Variants in CDH10 observed in about 807,000 individuals in gnomAD.
The protein encoded by CDH10 is cadherin-10.
CDH10 carries 30 observed loss-of-function variants against 73.1 expected under a neutral mutation model. The ratio of observed to expected loss-of-function variants is 0.41; its 90% CI spans 0.31 to 0.56. The LOEUF (loss-of-function observed/expected upper bound fraction) is 0.56, where lower values mean the gene tolerates loss of function less well. Among genes scored for constraint, CDH10 ranks in the 20% least tolerant of loss-of-function variants. The pLI is 0.27. For synonymous variants in CDH10, 345 were observed against 348.2 expected, an observed-to-expected ratio of 0.99 and a Z score of 0.10; for missense variants, 815 against 973.7, an observed-to-expected ratio of 0.84 and a Z score of 2.17.
chr5:24,528,218 A>AT (rs1164981476), intron 5 of CDH10, among the ~76,000 whole-genome samples: 5 of 151,764 alleles, frequency 3.3e-5, no homozygotes, highest in South Asian at 2.1e-4. Context: ...AAGTAGGTTC[A>AT]TTTTTTTTCT....
At chr5:24,641,807 G>T (rs901523175) in intron 1 of CDH10, among the ~76,000 whole-genome samples, 2 of 151,930 alleles carry the variant, frequency 1.3e-5, no homozygotes, top group South Asian at 2.1e-4. Flanking sequence ...AATACAATAT[G>T]GTTAGTAAGT....
At chr5:24,506,708 T>C (rs1742714506) in intron 7 of CDH10, among the ~76,000 whole-genome samples, 1 of 152,214 alleles carries the variant, frequency 6.6e-6, no homozygotes, top group Non-Finnish European at 1.5e-5. Flanking sequence ...GATATGGTGA[T>C]CCACAAATAT....
At chr5:24,608,098 A>G (rs1746819354) in intron 1 of CDH10, among the ~76,000 whole-genome samples, 1 of 152,186 alleles carries the variant, frequency 6.6e-6, no homozygotes, top group Admixed American at 6.5e-5. Context: ...TTTAAACAGT[A>G]GTATAGCCAT....
At chr5:24,544,137 T>C (rs889352207) in intron 2 of CDH10, among the ~76,000 whole-genome samples, 13 of 151,994 alleles carry the variant, frequency 8.6e-5, no homozygotes, top group African/African-American at 3.1e-4. Flanking sequence ...CTACTAAAAA[T>C]ACAAAAATTA....
At chr5:24,574,474 T>C (rs983804570) in intron 2 of CDH10, among the ~76,000 whole-genome samples, 2 of 152,052 alleles carry the variant, frequency 1.3e-5, no homozygotes, top group Non-Finnish European at 2.9e-5. Context: ...AAATATGACA[T>C]TCTTGCAAGT....
chr5:24,638,359 ACAGCAAGAAGGGGGGGAAGT>A (rs1259242841), intron 1 of CDH10, among the ~76,000 whole-genome samples: 3 of 151,738 alleles, frequency 2.0e-5, no homozygotes, highest in Non-Finnish European at 4.4e-5. Flanking sequence ...TTAATTGCAT[ACAGCAAGAAGGGGGGGAAGT>A]CACTTCTTTA....
chr5:24,551,499 G>A (rs753234876), intron 2 of CDH10, among the ~76,000 whole-genome samples: 10 of 151,888 alleles, frequency 6.6e-5, no homozygotes, highest in Non-Finnish European at 1.3e-4. Flanking sequence ...TTCATTTTAT[G>A]GTTACTCCTC....
At chr5:24,553,282 G>A (rs1744619002) in intron 2 of CDH10, among the ~76,000 whole-genome samples, 1 of 151,998 alleles carries the variant, frequency 6.6e-6, no homozygotes, top group Non-Finnish European at 1.5e-5. Flanking sequence ...ATTGTTCCTT[G>A]GTGTGTGTAT....
chr5:24,589,226 C>T (rs962682760), intron 2 of CDH10, among the ~76,000 whole-genome samples: 1 of 151,966 alleles, frequency 6.6e-6, no homozygotes, highest in Non-Finnish European at 1.5e-5. Flanking sequence ...AGGATGACCA[C>T]GAGGCTGGAG....
At chr5:24,582,000 T>A (rs1363579131) in intron 2 of CDH10, among the ~76,000 whole-genome samples, 22 of 152,168 alleles carry the variant, frequency 1.4e-4, no homozygotes, top group Admixed American at 1.4e-3. Context: ...ACTCATTCAC[T>A]GCTGGTGGAA....
intron 2 of CDH10, among the ~76,000 whole-genome samples, chr5:24,541,684 G>A (rs373514245): frequency 6.6e-6 from 1 of 151,968 alleles, no homozygotes; most frequent in Non-Finnish European, 1.5e-5. Context: ...AGATTATTGT[G>A]GTTTTAGTTC....
chr5:24,551,997 T>A (rs1377386740), intron 2 of CDH10, among the ~76,000 whole-genome samples: 2 of 152,136 alleles, frequency 1.3e-5, no homozygotes, highest in Non-Finnish European at 2.9e-5. Flanking sequence ...ATTTTTAACA[T>A]CAGTATGTTA....
chr5:24,521,936 C>G (rs1743347011), intron 5 of CDH10, among the ~76,000 whole-genome samples: 1 of 152,034 alleles, frequency 6.6e-6, no homozygotes. Context: ...GAGTTTGAGA[C>G]CAGCCTGGCC....
chr5:24,599,018 T>C (rs545081874), intron 1 of CDH10, among the ~76,000 whole-genome samples: 3 of 152,208 alleles, frequency 2.0e-5, no homozygotes, highest in Non-Finnish European at 2.9e-5. Context: ...TCCCTGCTAA[T>C]AGGCTAAAGA....
intron 5 of CDH10, among the ~76,000 whole-genome samples, chr5:24,531,358 C>T (rs982499146): frequency 1.3e-5 from 2 of 152,034 alleles, no homozygotes; most frequent in African/African-American, 4.8e-5. Flanking sequence ...GGGATACAAA[C>T]CAGGGCTTTT....
chr5:24,504,937 T>C (rs545146277), intron 8 of CDH10, among the ~76,000 whole-genome samples, 175 bp downstream of exon 8: 4 of 152,216 alleles, frequency 2.6e-5, no homozygotes, highest in Non-Finnish European at 5.9e-5. Context: ...CTCTATGCAC[T>C]GATGTAAGAA....
intron 1 of CDH10, among the ~76,000 whole-genome samples, chr5:24,643,898 T>C (rs1344910611): frequency 6.6e-6 from 1 of 152,164 alleles, no homozygotes; most frequent in Non-Finnish European, 1.5e-5. Flanking sequence ...ATGGATTTTA[T>C]TGCAGCAGAA....
intron 2 of CDH10, among the ~76,000 whole-genome samples, chr5:24,582,001 G>T (rs72752022): frequency 0.11 from 17,091 of 152,206 alleles, 1,173 homozygotes; most frequent in African/African-American, 0.18. Context: ...CTCATTCACT[G>T]CTGGTGGAAG....
At chr5:24,621,722 A>C (rs1747323882) in intron 1 of CDH10, among the ~76,000 whole-genome samples, 1 of 152,228 alleles carries the variant, frequency 6.6e-6, no homozygotes, top group South Asian at 2.1e-4. Flanking sequence ...ATCTATATAG[A>C]TAGATGGACA....
Sources: allele counts gnomAD v4.1 joint callset (sites outside exome capture counted in the v4.1 genomes callset), GRCh38; gene constraint gnomAD v4.1.1; transcripts MANE v1.5; gene names NCBI Gene and HGNC (gene_info 2026-07-23, HGNC 2026-07-21).